PTPRG: variants seen among roughly 807,000 people sequenced by gnomAD.
PTPRG encodes the protein receptor-type tyrosine-protein phosphatase gamma.
PTPRG carries 102 observed loss-of-function variants against 165.3 expected under a neutral mutation model. The ratio of observed to expected loss-of-function variants is 0.62; its 90% CI spans 0.53 to 0.73. PTPRG has a LOEUF of 0.73. PTPRG is among the 30% of genes least tolerant of loss of function. PTPRG has a pLI of 0.00. For synonymous variants in PTPRG, 675 were observed against 669.5 expected, an observed-to-expected ratio of 1.01 and a Z score of -0.13; for missense variants, 1,866 against 1,861.4, an observed-to-expected ratio of 1.00 and a Z score of -0.05.
At chr3:61,914,136 GAAC>G (rs1407442125) in intron 2 of PTPRG, among the ~76,000 whole-genome samples, 1 of 152,156 alleles carries the variant, frequency 6.6e-6, no homozygotes, top group Non-Finnish European at 1.5e-5. Context: ...AGTGGTCCTA[GAAC>G]TGATGTCATG....
intron 1 of PTPRG, among the ~76,000 whole-genome samples, chr3:61,622,775 A>G (rs1244688310): frequency 2.6e-5 from 4 of 152,190 alleles, no homozygotes; most frequent in Non-Finnish European, 4.4e-5. Context: ...TTACTAAGCA[A>G]AGGTGAAGGG....
At chr3:61,871,089 T>G (rs1318011151) in intron 2 of PTPRG, among the ~76,000 whole-genome samples, 3 of 152,012 alleles carry the variant, frequency 2.0e-5, no homozygotes, top group Admixed American at 6.6e-5. Context: ...CATTCAGTAT[T>G]CCATTTTCCC....
At chr3:61,724,429 C>G (rs2032174717) in intron 1 of PTPRG, among the ~76,000 whole-genome samples, 1 of 152,162 alleles carries the variant, frequency 6.6e-6, no homozygotes, top group Middle Eastern at 3.4e-3. Context: ...CACTTCCTAG[C>G]TGCTACAAAG....
intron 2 of PTPRG, among the ~76,000 whole-genome samples, chr3:61,843,635 G>A: frequency 6.6e-6 from 1 of 152,056 alleles, no homozygotes; most frequent in East Asian, 1.9e-4. Flanking sequence ...TTATCCCTAA[G>A]GCAATTTTCT....
At position 61,598,156 on chromosome 3, in the gene PTPRG, T is replaced by A. The variant is rs1042329147; in HGVS notation, c.85+35784T>A. Among the ~76,000 whole-genome samples, 9 of 152,330 alleles carry A rather than the reference T, an allele frequency of 5.9e-5. No individual in the cohort carries two copies. The South Asian group carries it at 1.5e-3, about 25-fold the overall frequency. On this transcript the variant is annotated intron_variant, in intron 1 of 29. Coordinates refer to ENST00000474889, the MANE Select transcript of PTPRG (RefSeq NM_002841.4). ...GCCTTTTTGCCAACACCATCTTGAT[T>A]CTTCTTGTATGGACTGCTTGAGCCA...
intron 5 of PTPRG, among the ~76,000 whole-genome samples, chr3:62,098,776 A>G (rs1284339273): frequency 1.3e-5 from 2 of 152,118 alleles, no homozygotes; most frequent in Non-Finnish European, 2.9e-5. Flanking sequence ...GTATGTTTAT[A>G]TTTTCTCTCA....
chr3:61,591,796 C>G (rs912720727), intron 1 of PTPRG, among the ~76,000 whole-genome samples: 1 of 152,162 alleles, frequency 6.6e-6, no homozygotes, highest in Admixed American at 6.6e-5. Flanking sequence ...GTGACAAGGG[C>G]TTTGGAACTG....
chr3:61,862,605 G>C (rs1031908743), intron 2 of PTPRG, among the ~76,000 whole-genome samples: 19 of 152,014 alleles, frequency 1.2e-4, no homozygotes, highest in African/African-American at 4.6e-4. Flanking sequence ...ATGTTGGTCA[G>C]GATGGTCTTG....
At chr3:61,647,789 C>A (rs1180254504) in intron 1 of PTPRG, among the ~76,000 whole-genome samples, 8 of 2,328 alleles carry the variant, frequency 3.4e-3, no homozygotes, top group East Asian at 0.011. Context: ...GAGACTCCGT[C>A]TCAAAAAAAA....
chr3:62,168,663 C>T (rs1293928255), intron 8 of PTPRG, among the ~76,000 whole-genome samples: 1 of 152,176 alleles, frequency 6.6e-6, no homozygotes, highest in African/African-American at 2.4e-5. Context: ...TGGGCAGGTG[C>T]AGGAGCCAGG....
At chr3:62,291,124 C>T (rs903367649) in intron 28 of PTPRG, among the ~76,000 whole-genome samples, 1 of 152,106 alleles carries the variant, frequency 6.6e-6, no homozygotes, top group African/African-American at 2.4e-5. Flanking sequence ...CATAAAAAGA[C>T]ATTCAGCCTC....
intron 7 of PTPRG, among the ~76,000 whole-genome samples, chr3:62,166,312 G>T (rs13062640): frequency 1.5e-5 from 2 of 134,132 alleles, no homozygotes; most frequent in Non-Finnish European, 3.1e-5. Context: ...ATATGTAATA[G>T]AATTACTTTT....
chr3:61,684,952 A>G (rs1362202081), intron 1 of PTPRG, among the ~76,000 whole-genome samples: 1 of 152,028 alleles, frequency 6.6e-6, no homozygotes, highest in Non-Finnish European at 1.5e-5. Context: ...CTTGGGACAA[A>G]TTATTTAACC....
chr3:61,578,644 T>A lies in PTPRG; in HGVS notation c.85+16272T>A, dbSNP rs535977038. Among the ~76,000 whole-genome samples, 5 of 152,332 alleles carry A rather than the reference T, an allele frequency of 3.3e-5. No homozygotes were observed. The South Asian group carries it at 1.0e-3, about 32-fold the overall frequency. The stretch of plus-strand genomic sequence containing the variant: ...AATTTGGAAATTAAAATGTGGAGAA[T>A]GTGAGAGGCAGACAGGACATACCCA... On this transcript the variant is annotated intron_variant, in intron 1 of 29. Transcript: ENST00000474889.
At chr3:62,110,539 TAA>T (rs34522053) in intron 5 of PTPRG, among the ~76,000 whole-genome samples, 20 of 143,094 alleles carry the variant, frequency 1.4e-4, no homozygotes, top group East Asian at 4.0e-4. Context: ...GTAGATGCTT[TAA>T]AAAAAAAAAA....
intron 4 of PTPRG, among the ~76,000 whole-genome samples, chr3:62,014,608 C>T (rs898999090): frequency 6.6e-6 from 1 of 152,110 alleles, no homozygotes; most frequent in Admixed American, 6.6e-5. Context: ...GAGTTCATGC[C>T]TCTGTGTTCA....
chr3:62,084,898 G>T (rs888189651), intron 5 of PTPRG, among the ~76,000 whole-genome samples: 4 of 152,180 alleles, frequency 2.6e-5, no homozygotes, highest in Non-Finnish European at 5.9e-5. Flanking sequence ...TAAAACTGTG[G>T]CTTGATTGTG....
At chr3:62,032,949 A>T (rs922163237) in intron 4 of PTPRG, among the ~76,000 whole-genome samples, 2 of 152,208 alleles carry the variant, frequency 1.3e-5, no homozygotes, top group Non-Finnish European at 2.9e-5. Flanking sequence ...GCAAGATAAC[A>T]TTGAAATGGT....
rs567989107 is a variant in PTPRG at position 62,294,673 on chromosome 3, T to C, written c.*1366T>C. ...GAGCATTAATAAGAAATTTCAGTAG[T>C]GTTTGTAAGGAAAATAAGCTACTTA... On this transcript the variant is annotated 3_prime_UTR_variant, in exon 30 of 30. Transcript: ENST00000474889. 3.3e-5 allele frequency: 5 copies of C among 152,172 alleles called. No individual in the cohort carries two copies. In the East Asian group the frequency reaches 9.6e-4, roughly 29 times the overall value. The allele number at this position is 152,172 out of a possible 1,614,324, so 9.4% of individuals were successfully genotyped here. A position where few individuals can be genotyped will look rare whatever the true frequency, so the allele number is the denominator to read the frequency against.
Sources: gnomAD v4.1 joint callset for allele counts (sites outside exome capture counted in the v4.1 genomes callset) on GRCh38, gnomAD v4.1.1 for gene constraint, MANE v1.5 for transcripts, NCBI Gene and HGNC (gene_info 2026-07-23, HGNC 2026-07-21) for gene names.